The following PPM1D variants were observed in gnomAD, a reference collection of about 807,000 sequenced individuals.
PPM1D encodes the protein protein phosphatase, Mg2+/Mn2+ dependent 1D.
In PPM1D, 52 loss-of-function variants were observed where a neutral mutation model predicts 58.3. The ratio of observed to expected loss-of-function variants is 0.89; its 90% confidence interval spans 0.71 to 1.12. PPM1D has a LOEUF of 1.12. Ranked by LOEUF, PPM1D falls within the 50% of genes most tolerant of loss-of-function variation. The pLI is 0.00. For missense variants in PPM1D, 564 were observed against 777.2 expected (o/e 0.73, Z 3.26); for synonymous variants, 278 against 285.1 (o/e 0.98, Z 0.25).
chr17:60,654,446 G>A (rs914686235), intron 4 of PPM1D, among the ~76,000 whole-genome samples: 1 of 139,726 alleles, frequency 7.2e-6, no homozygotes, highest in African/African-American at 2.7e-5. Context: ...GGAGACTGCA[G>A]TAAGCCGAGG....
intron 3 of PPM1D, among the ~76,000 whole-genome samples, chr17:60,642,257 A>G (rs946547652): frequency 6.6e-6 from 1 of 152,170 alleles, no homozygotes; most frequent in African/African-American, 2.4e-5. Context: ...TTGAGCATCA[A>G]AACAAATTAT....
intron 1 of PPM1D, among the ~76,000 whole-genome samples, chr17:60,615,034 A>G (rs1026508980): frequency 1.3e-5 from 2 of 152,214 alleles, no homozygotes; most frequent in African/African-American, 2.4e-5. Context: ...ATCCTTACCT[A>G]TAAAATAGAG....
chr17:60,628,717 A>G (rs1017010489), intron 2 of PPM1D, among the ~76,000 whole-genome samples: 1 of 152,080 alleles, frequency 6.6e-6, no homozygotes, highest in African/African-American at 2.4e-5. Context: ...ATACTATATA[A>G]TATCCAGTCA....
intron 3 of PPM1D, among the ~76,000 whole-genome samples, chr17:60,641,803 G>A (rs922472518): frequency 8.5e-5 from 13 of 152,302 alleles, no homozygotes; most frequent in African/African-American, 3.1e-4. Flanking sequence ...TTCTCCATGG[G>A]AAGCCACTCA....
intron 1 of PPM1D, among the ~76,000 whole-genome samples, chr17:60,618,073 G>C (rs9890799): frequency 0.041 from 6,267 of 152,288 alleles, 350 homozygotes; most frequent in African/African-American, 0.13. Flanking sequence ...TGCTGCTTGT[G>C]AGATTCTTGT....
chr17:60,600,391 C>G lies in PPM1D; in HGVS notation c.-24C>G, dbSNP rs971287061. 6.5e-7 allele frequency: 1 copy of G among 1,539,304 alleles called. No homozygotes were observed. Among genetic ancestry groups the G allele is most frequent in the Non-Finnish European group, 8.7e-7 (1 of 1,143,618 alleles). ...CCGGATTCGGCGGGCTGCGTGGGAC[C>G]GGCGGGATCCCGGCCAGCCGGCCAT... On this transcript the variant is annotated 5_prime_UTR_variant, in exon 1 of 6. Coordinates refer to ENST00000305921, the MANE Select transcript of PPM1D (RefSeq NM_003620.4).
chr17:60,658,768 C>G (rs982041299), intron 5 of PPM1D, among the ~76,000 whole-genome samples: 1 of 151,908 alleles, frequency 6.6e-6, no homozygotes, highest in Admixed American at 6.6e-5. Flanking sequence ...TCGAGACTAT[C>G]TTAGCCAACA....
chr17:60,617,644 T>C (rs1487634132), intron 1 of PPM1D, among the ~76,000 whole-genome samples: 1 of 152,088 alleles, frequency 6.6e-6, no homozygotes, highest in Non-Finnish European at 1.5e-5. Flanking sequence ...CAGTATACTC[T>C]AGGCTGAGCT....
chr17:60,649,154 C>T (rs2031300571), intron 4 of PPM1D, among the ~76,000 whole-genome samples: 1 of 151,636 alleles, frequency 6.6e-6, no homozygotes. Flanking sequence ...AACTCCTAGG[C>T]TTAAGCAGTC....
chr17:60,643,934 G>A (rs1338449986), intron 3 of PPM1D, among the ~76,000 whole-genome samples: 1 of 136,532 alleles, frequency 7.3e-6, no homozygotes, highest in African/African-American at 2.8e-5. Flanking sequence ...GCCCAGGCTG[G>A]AGTGCAGTGG....
chr17:60,657,858 G>C (rs1415624852), intron 5 of PPM1D, among the ~76,000 whole-genome samples: 1 of 152,042 alleles, frequency 6.6e-6, no homozygotes, highest in Non-Finnish European at 1.5e-5. Context: ...TCCTGCCTCA[G>C]CCTCCCAAGT....
chr17:60,655,737 T>A (rs2031426828), intron 4 of PPM1D, among the ~76,000 whole-genome samples: 1 of 151,660 alleles, frequency 6.6e-6, no homozygotes, highest in Admixed American at 6.6e-5. Flanking sequence ...AGTCTTGCTC[T>A]GTTGCCTAGG....
intron 3 of PPM1D, among the ~76,000 whole-genome samples, chr17:60,636,852 A>AT (rs1555646762): frequency 6.6e-6 from 1 of 151,736 alleles, no homozygotes; most frequent in African/African-American, 2.4e-5. Flanking sequence ...ATTTTTAAAA[A>AT]TTTTTTGTAG....
intron 2 of PPM1D, 84 bp from the exon 3 acceptor site, chr17:60,633,764 CTTATT>C: frequency 2.3e-6 from 3 of 1,282,410 alleles, no homozygotes; most frequent in Non-Finnish European, 3.2e-6. Flanking sequence ...ATAATGTAGT[CTTATT>C]TTATTAGTGA....
At chr17:60,634,070 G>T (rs530367108) in intron 3 of PPM1D, 93 bp downstream of exon 3, 14 of 1,391,602 alleles carry the variant, frequency 1.0e-5, no homozygotes, top group Non-Finnish European at 1.4e-5. Context: ...CCCTTACTTG[G>T]CATATAGTGA....
chr17:60,600,213 T>C lies in PPM1D; in HGVS notation c.-202T>C. 2 of 1,062,766 alleles carry C rather than the reference T, an allele frequency of 1.9e-6. No homozygotes were observed. Among genetic ancestry groups the C allele is most frequent in the African/African-American group, 1.7e-5 (1 of 59,710 alleles). 65.8% of individuals were successfully genotyped at this position (1,062,766 alleles called of 1,614,324 possible). A position where few individuals can be genotyped will look rare whatever the true frequency, so the allele number is the denominator to read the frequency against. On this transcript the variant is annotated 5_prime_UTR_variant, in exon 1 of 6. Coordinates refer to ENST00000305921, the MANE Select transcript of PPM1D (RefSeq NM_003620.4). ...AGCGCAGTGCGCAGGCGCAACTGCCTGGCTCTGCTCGCTCCGGCGCTCCGG... is the reference window on the plus strand; with the variant it reads ...AGCGCAGTGCGCAGGCGCAACTGCCCGGCTCTGCTCGCTCCGGCGCTCCGG...
intron 3 of PPM1D, among the ~76,000 whole-genome samples, chr17:60,645,554 A>G (rs145157564): frequency 0.051 from 6,624 of 130,634 alleles, 592 homozygotes; most frequent in African/African-American, 0.19. Flanking sequence ...ATGTATATAT[A>G]TGTGTGTGTA....
At chr17:60,629,775 C>T (rs916361812) in intron 2 of PPM1D, among the ~76,000 whole-genome samples, 4 of 152,142 alleles carry the variant, frequency 2.6e-5, no homozygotes, top group Admixed American at 2.0e-4. Flanking sequence ...CAGTGGCTTA[C>T]GCTTATAATC....
At chr17:60,605,402 T>A (rs2030309610) in intron 1 of PPM1D, among the ~76,000 whole-genome samples, 1 of 152,230 alleles carries the variant, frequency 6.6e-6, no homozygotes, top group Non-Finnish European at 1.5e-5. Context: ...CAGCTAAATC[T>A]TGAGGTCTTT....
Sources: gnomAD v4.1 joint callset for allele counts (sites outside exome capture counted in the v4.1 genomes callset) on GRCh38, gnomAD v4.1.1 for gene constraint, MANE v1.5 for transcripts, NCBI Gene and HGNC (gene_info 2026-07-23, HGNC 2026-07-21) for gene names.